The following FAM131C variants were observed in gnomAD, a reference collection of about 807,000 sequenced individuals.
FAM131C encodes family with sequence similarity 131 member C, also known as protein FAM131C.
FAM131C carries 14 observed loss-of-function variants against 29.8 expected under a neutral mutation model. The ratio of observed to expected loss-of-function variants is 0.47; its 90% CI spans 0.31 to 0.73. The LOEUF is 0.73. FAM131C is among the 30% of genes least tolerant of loss of function. FAM131C has a pLI of 0.05. For synonymous variants in FAM131C, 86 were observed against 157.8 expected (o/e 0.54, Z 3.41); for missense variants, 252 against 383.8 (o/e 0.66, Z 2.87).
At position 16,059,905 on chromosome 1, in the gene FAM131C, G is replaced by A. The variant is rs778507519; in HGVS notation, c.415C>T (p.Leu139Phe). Residue 139 changes from leucine to phenylalanine, a missense_variant, in exon 5 of 7, where the codon CTC becomes TTC. Physicochemically the swap from Leu to Phe is conservative, Grantham distance 22. This residue lies in a region of FAM131C where 38 missense variants were observed against 32.7 expected (regional missense o/e 1.16). Coordinates refer to ENST00000375662, the MANE Select transcript of FAM131C (RefSeq NM_182623.3). Reference protein sequence around the residue: ...SPAEDEHYCCLPDELREARFA... With the variant: ...SPAEDEHYCCFPDELREARFA... Reference sequence around the variant, plus strand: ...CGGGCCTCACGCAGCTCATCCGGGAGGCAGCAGTAATGCTCGTCCTCAGCT... The same window carrying A: ...CGGGCCTCACGCAGCTCATCCGGGAAGCAGCAGTAATGCTCGTCCTCAGCT... The A allele has an allele frequency of 2.2e-6, 3 of 1,355,608 alleles. No individual in the cohort carries two copies. The highest frequency in any genetic ancestry group is 2.9e-6 in the Non-Finnish European group (3 of 1,036,804). The allele number at this position is 1,355,608 out of a possible 1,614,324, so 84.0% of individuals were successfully genotyped here. A position where few individuals can be genotyped will look rare whatever the true frequency, so the allele number is the denominator to read the frequency against.
At chr1:16,060,332 A>C in intron 4 of FAM131C, among the ~76,000 whole-genome samples, 1 of 120,756 alleles carries the variant, frequency 8.3e-6, no homozygotes, top group Non-Finnish European at 1.9e-5. Context: ...CCAGCATCCT[A>C]CTCCCAGTCC....
chr1:16,059,541 T>A lies in FAM131C; in HGVS notation c.515A>T (p.Glu172Val). The change falls in exon 6 of 7, where the codon GAG (glutamate) becomes GTG (valine). Residue 172 changes from glutamate to valine, a missense_variant. Physicochemically the swap from Glu to Val is moderately radical, Grantham distance 121 (BLOSUM62 -2). Coordinates refer to ENST00000375662, the MANE Select transcript of FAM131C (RefSeq NM_182623.3). ...GGGGCTGTTCTCGGGGTGCAGCTCCTCTTCGTCCAGCGAGGACCAAGCGCT... is the reference window on the plus strand; with the variant it reads ...GGGGCTGTTCTCGGGGTGCAGCTCCACTTCGTCCAGCGAGGACCAAGCGCT... ...TLSAWSSLDE[E>V]ELHPENSPQG... The A allele has an allele frequency of 2.5e-6, 4 of 1,607,884 alleles. No homozygotes were observed. The highest frequency in any genetic ancestry group is 3.4e-6 in the Non-Finnish European group (4 of 1,177,702).
At chr1:16,061,169 A>G (rs1276026847) in intron 4 of FAM131C, among the ~76,000 whole-genome samples, 2 of 152,182 alleles carry the variant, frequency 1.3e-5, no homozygotes, top group African/African-American at 4.8e-5. Context: ...AGATGGGGGT[A>G]CGGAAGAAAG....
chr1:16,070,252 G>A (rs2023735228), intron 1 of FAM131C, among the ~76,000 whole-genome samples: 2 of 152,316 alleles, frequency 1.3e-5, no homozygotes, highest in South Asian at 4.1e-4. Context: ...GGAGAGCAAA[G>A]GCTCAGCCTA....
intron 1 of FAM131C, among the ~76,000 whole-genome samples, chr1:16,070,079 G>A (rs2023732982): frequency 6.6e-6 from 1 of 152,162 alleles, no homozygotes; most frequent in African/African-American, 2.4e-5. Flanking sequence ...AGGGACGTAA[G>A]AAAGCAAAGG....
chr1:16,062,260 C>G (rs1273984234), intron 3 of FAM131C, 68 bp from the exon 4 acceptor site: 3 of 1,539,064 alleles, frequency 1.9e-6, no homozygotes, highest in Non-Finnish European at 2.6e-6. Context: ...TCCAGCACCA[C>G]CACCCATCCC....
chr1:16,073,533 A>G lies in FAM131C; in HGVS notation c.-91T>C. 1 of 767,222 alleles carries G rather than the reference A, an allele frequency of 1.3e-6. No individual in the cohort carries two copies. The highest frequency in any genetic ancestry group is 1.7e-6 in the Non-Finnish European group (1 of 582,702). The allele number at this position is 767,222 out of a possible 1,614,324, so 47.5% of individuals were successfully genotyped here. A position where few individuals can be genotyped will look rare whatever the true frequency, so the allele number is the denominator to read the frequency against. On this transcript the variant is annotated 5_prime_UTR_variant, in exon 1 of 7. Coordinates refer to ENST00000375662, the MANE Select transcript of FAM131C (RefSeq NM_182623.3). ...GCGGGCCCGGGGCTGAGCGCTGCGG[A>G]GCCAGAGGACGGGCGGGGCGGGGGG...
intron 1 of FAM131C, among the ~76,000 whole-genome samples, chr1:16,068,300 C>T (rs1282587684): frequency 2.0e-5 from 3 of 152,248 alleles, no homozygotes; most frequent in East Asian, 1.9e-4. Context: ...CCCCTGTGAG[C>T]CTTGGATTCT....
At chr1:16,067,100 C>A (rs952774374) in intron 1 of FAM131C, among the ~76,000 whole-genome samples, 1 of 152,194 alleles carries the variant, frequency 6.6e-6, no homozygotes, top group Admixed American at 6.5e-5. Context: ...TTTGTTGAGA[C>A]GGTGGTGGGC....
chr1:16,064,399 G>C (rs139286649), intron 1 of FAM131C, among the ~76,000 whole-genome samples: 3 of 152,132 alleles, frequency 2.0e-5, no homozygotes, highest in Non-Finnish European at 4.4e-5. Context: ...CAAAGGAAGA[G>C]CTGTTCCTGC....
intron 4 of FAM131C, among the ~76,000 whole-genome samples, chr1:16,061,123 T>C (rs1478950366): frequency 1.3e-5 from 2 of 151,944 alleles, no homozygotes; most frequent in Non-Finnish European, 2.9e-5. Flanking sequence ...GGAGGAAATA[T>C]CCACAAAGGT....
At chr1:16,066,753 T>C (rs2023688316) in intron 1 of FAM131C, among the ~76,000 whole-genome samples, 2 of 152,214 alleles carry the variant, frequency 1.3e-5, no homozygotes, top group African/African-American at 2.4e-5. Flanking sequence ...GTAAAAATTT[T>C]CTCTGTGTGT....
intron 2 of FAM131C, 23 bp downstream of exon 2, chr1:16,063,498 A>G (rs777917543): frequency 5.1e-6 from 8 of 1,569,852 alleles, no homozygotes; most frequent in Non-Finnish European, 7.0e-6. Context: ...CAGGTAGCAC[A>G]GGGATGAGGA....
intron 1 of FAM131C, among the ~76,000 whole-genome samples, chr1:16,063,900 C>T (rs367838113): frequency 9.9e-5 from 15 of 152,004 alleles, no homozygotes; most frequent in Admixed American, 3.3e-4. Flanking sequence ...TGATTTTGGC[C>T]TCGTGGAGAT....
intron 1 of FAM131C, among the ~76,000 whole-genome samples, chr1:16,065,412 ACT>A (rs1239408602): frequency 6.6e-6 from 1 of 151,832 alleles, no homozygotes; most frequent in Non-Finnish European, 1.5e-5. Context: ...CCCTGCGCTC[ACT>A]CTCTGCCCGC....
intron 1 of FAM131C, among the ~76,000 whole-genome samples, chr1:16,069,235 AG>A (rs2023720183): frequency 2.6e-5 from 4 of 152,076 alleles, no homozygotes; most frequent in Admixed American, 2.6e-4. Context: ...CATCCTTCCA[AG>A]GGTTCATGCA....
chr1:16,072,631 C>T (rs1372550806), intron 1 of FAM131C, among the ~76,000 whole-genome samples: 1 of 152,076 alleles, frequency 6.6e-6, no homozygotes, highest in African/African-American at 2.4e-5. Context: ...AGGTAGGGGG[C>T]TCCAAAGACC....
At chr1:16,064,245 C>T (rs1456128223) in intron 1 of FAM131C, among the ~76,000 whole-genome samples, 1 of 152,190 alleles carries the variant, frequency 6.6e-6, no homozygotes, top group East Asian at 1.9e-4. Flanking sequence ...CACACCCCCT[C>T]CCCTACCCCA....
chr1:16,061,003 A>C (rs1422989621), intron 4 of FAM131C, among the ~76,000 whole-genome samples: 1 of 152,046 alleles, frequency 6.6e-6, no homozygotes, highest in Non-Finnish European at 1.5e-5. Context: ...GAAGATGGAG[A>C]GGGGGCTGCC....
Sources: allele counts gnomAD v4.1 joint callset (sites outside exome capture counted in the v4.1 genomes callset), GRCh38; gene constraint gnomAD v4.1.1; regional missense constraint gnomAD v4.1.1; transcripts MANE v1.5; gene names NCBI Gene and HGNC (gene_info 2026-07-23, HGNC 2026-07-21).